The following CCSER1 variants were observed in gnomAD, a reference collection of about 807,000 sequenced individuals.
CCSER1 encodes serine-rich coiled-coil domain-containing protein 1.
A neutral mutation model predicts 82.0 loss-of-function variants in CCSER1; 41 were observed. The ratio of observed to expected loss-of-function variants is 0.50; its 90% CI spans 0.39 to 0.65. The LOEUF (loss-of-function observed/expected upper bound fraction) is 0.65. Among genes scored for constraint, CCSER1 ranks in the 30% least tolerant of loss-of-function variants. The pLI is 0.00. For synonymous variants in CCSER1, 414 were observed against 383.9 expected (o/e 1.08, Z -0.92); for missense variants, 1,119 against 1,064.2 (o/e 1.05, Z -0.72).
chr4:91,305,675 G>T (rs534794486), intron 10 of CCSER1, among the ~76,000 whole-genome samples: 1 of 151,906 alleles, frequency 6.6e-6, no homozygotes, highest in Non-Finnish European at 1.5e-5. Flanking sequence ...GTGTGTGTGT[G>T]TGCATGTGTG....
intron 1 of CCSER1, among the ~76,000 whole-genome samples, chr4:90,253,430 TCAA>T (rs998225829): frequency 7.2e-5 from 11 of 152,314 alleles, no homozygotes; most frequent in African/African-American, 2.6e-4. Flanking sequence ...ATGTTTTTAT[TCAA>T]CAACATTTTT....
chr4:90,755,345 C>T (rs1460412366), intron 7 of CCSER1, among the ~76,000 whole-genome samples: 1 of 152,152 alleles, frequency 6.6e-6, no homozygotes, highest in African/African-American at 2.4e-5. Flanking sequence ...CCCATATTTC[C>T]ATTACAGCTC....
At chr4:90,154,296 T>C (rs1727563636) in intron 1 of CCSER1, among the ~76,000 whole-genome samples, 1 of 152,242 alleles carries the variant, frequency 6.6e-6, no homozygotes, top group African/African-American at 2.4e-5. Flanking sequence ...GTAGTATAGT[T>C]TGAAGTCAGG....
intron 1 of CCSER1, among the ~76,000 whole-genome samples, chr4:90,188,562 G>C (rs974192005): frequency 1.3e-5 from 2 of 151,788 alleles, no homozygotes; most frequent in South Asian, 4.2e-4. Flanking sequence ...TACATACTAA[G>C]TTTTACATAC....
intron 1 of CCSER1, among the ~76,000 whole-genome samples, chr4:90,167,848 C>T (rs1730805002): frequency 6.6e-6 from 1 of 151,986 alleles, no homozygotes; most frequent in South Asian, 2.1e-4. Flanking sequence ...TGTATATGTG[C>T]CACATTTTCT....
intron 9 of CCSER1, among the ~76,000 whole-genome samples, chr4:90,943,665 C>A (rs770177087): frequency 1.2e-4 from 18 of 150,944 alleles, no homozygotes; most frequent in Non-Finnish European, 2.7e-4. Context: ...TGGGCTCAAG[C>A]AATCCTCCTG....
intron 10 of CCSER1, among the ~76,000 whole-genome samples, chr4:91,094,981 G>A (rs1724356675): frequency 1.3e-5 from 2 of 152,162 alleles, no homozygotes; most frequent in South Asian, 4.1e-4. Context: ...TCCTCCCACT[G>A]AGCAGGTCCA....
intron 10 of CCSER1, among the ~76,000 whole-genome samples, chr4:91,323,194 G>C (rs1746310862): frequency 6.6e-6 from 1 of 152,154 alleles, no homozygotes; most frequent in African/African-American, 2.4e-5. Context: ...CCTGAGGACA[G>C]GTGTTTGGTG....
At chr4:91,495,398 T>A (rs1021797760) in intron 10 of CCSER1, among the ~76,000 whole-genome samples, 3 of 151,658 alleles carry the variant, frequency 2.0e-5, no homozygotes, top group African/African-American at 4.8e-5. Context: ...CTGGTTCTAG[T>A]AACCTTATTT....
At chr4:91,045,972 C>T (rs13107749) in intron 9 of CCSER1, among the ~76,000 whole-genome samples, 2 of 117,566 alleles carry the variant, frequency 1.7e-5, no homozygotes, top group South Asian at 2.5e-4. Context: ...GTTCTCTGGC[C>T]GGCAGGGGCA....
intron 4 of CCSER1, among the ~76,000 whole-genome samples, chr4:90,452,756 C>T (rs907902580): frequency 1.2e-3 from 189 of 152,286 alleles, no homozygotes; most frequent in African/African-American, 4.2e-3. Context: ...GGTATTTCAC[C>T]GTGCCATGTA....
intron 10 of CCSER1, among the ~76,000 whole-genome samples, chr4:91,326,356 G>T (rs995020659): frequency 6.6e-6 from 1 of 152,078 alleles, no homozygotes; most frequent in Non-Finnish European, 1.5e-5. Context: ...CTTCAGGCCA[G>T]AGCAGGAGAA....
chr4:91,205,220 C>T, intron 10 of CCSER1, among the ~76,000 whole-genome samples: 1 of 151,590 alleles, frequency 6.6e-6, no homozygotes, highest in East Asian at 1.9e-4. Context: ...AATATTAAAT[C>T]AATATCAAAT....
chr4:91,411,306 T>C (rs1410317914), intron 10 of CCSER1, among the ~76,000 whole-genome samples: 2 of 151,268 alleles, frequency 1.3e-5, no homozygotes, highest in African/African-American at 4.8e-5. Context: ...GCCATCCTCA[T>C]AGATAGAATT....
chr4:90,481,875 G>C (rs1302067766), intron 5 of CCSER1, among the ~76,000 whole-genome samples: 1 of 152,122 alleles, frequency 6.6e-6, no homozygotes, highest in African/African-American at 2.4e-5. Context: ...TCAGGATGAT[G>C]GTTGCCTCAT....
intron 6 of CCSER1, among the ~76,000 whole-genome samples, chr4:90,671,130 G>T (rs924734621): frequency 6.6e-6 from 1 of 152,046 alleles, no homozygotes; most frequent in Non-Finnish European, 1.5e-5. Flanking sequence ...TCTTTTTACT[G>T]ATGGAGAGTC....
At chr4:91,194,562 G>A (rs1735252050) in intron 10 of CCSER1, among the ~76,000 whole-genome samples, 2 of 152,106 alleles carry the variant, frequency 1.3e-5, no homozygotes, top group Non-Finnish European at 2.9e-5. Context: ...ATTATTGATT[G>A]TCATAGCATT....
intron 1 of CCSER1, among the ~76,000 whole-genome samples, chr4:90,190,229 C>T (rs1735374493): frequency 6.6e-6 from 1 of 151,906 alleles, no homozygotes; most frequent in Non-Finnish European, 1.5e-5. Flanking sequence ...AAGGAGTCCT[C>T]CCAAAAAATA....
rs200709983 is a variant in CCSER1, at chr4:91,061,394, C to T, written c.2173-24556C>T. Among the ~76,000 whole-genome samples the T allele has an allele frequency of 9.9e-5, 15 of 152,102 alleles. No homozygotes were observed. In the East Asian group the frequency reaches 1.7e-3, roughly 18 times the overall value. ...TCCGGTGGCTCCAGCTTTGGGTCCA[C>T]TTCCCTAAGATTTTTCTCAGCCCTC... On this transcript the variant is annotated intron_variant, in intron 9 of 10. Transcript: ENST00000509176.
Sources: gnomAD v4.1 joint callset for allele counts (sites outside exome capture counted in the v4.1 genomes callset) on GRCh38, gnomAD v4.1.1 for gene constraint, MANE v1.5 for transcripts, NCBI Gene and HGNC (gene_info 2026-07-23, HGNC 2026-07-21) for gene names.